Variants in DSG4 observed in about 807,000 individuals in gnomAD.
DSG4 encodes the protein desmoglein 4, also known as desmoglein-4.
A neutral mutation model predicts 93.1 loss-of-function variants in DSG4; 87 were observed. The observed-to-expected ratio is 0.93, with a 90% CI of 0.79 to 1.12. The LOEUF is 1.12. Ranked by LOEUF, DSG4 falls within the 50% of genes most tolerant of loss-of-function variation. DSG4 has a pLI of 0.00. For missense variants in DSG4, 1,373 were observed against 1,285.7 expected (o/e 1.07, Z -1.04); for synonymous variants, 432 against 452.9 (o/e 0.95, Z 0.59).
In DSG4 at chr18:31,406,189, G is replaced by A; in HGVS notation, c.1749G>A (p.Gln583=). 4 of 1,614,176 alleles carry A rather than the reference G, an allele frequency of 2.5e-6. No individual in the cohort carries two copies. The highest frequency in any genetic ancestry group is 3.4e-6 in the Non-Finnish European group (4 of 1,180,042). ...NRACELAQMV[Q]LYACDCDDNH... is the part of the protein sequence containing the mutation. Reference sequence around the variant, plus strand: ...CATGTGAATTGGCACAAATGGTGCAGTTATATGCCTGTGATTGCGATGACA... The same window carrying A: ...CATGTGAATTGGCACAAATGGTGCAATTATATGCCTGTGATTGCGATGACA... Residue 583 remains glutamine (Q), a synonymous_variant, in exon 12 of 16, where the codon CAG becomes CAA. Transcript: ENST00000308128.
rs1370792148 is a variant in DSG4 at position 31,412,740 on chromosome 18, C to T, written c.2356-88C>T. ...TTCAGTTTATTCCGTAACAACTTAA[C>T]TCAGAAGTCTCTCTGAGGGATTGCT... is the stretch of plus-strand genomic sequence containing the variant. On this transcript the variant is annotated intron_variant, in intron 15 of 15. Coordinates refer to ENST00000308128, the MANE Select transcript of DSG4 (RefSeq NM_177986.5). 5.0e-6 allele frequency: 7 copies of T among 1,403,454 alleles called. No homozygotes were observed. The East Asian group carries it at 1.6e-4, about 33-fold the overall frequency. 86.9% of individuals were successfully genotyped at this position (1,403,454 alleles called of 1,614,324 possible).
intron 5 of DSG4, 28 bp downstream of exon 5, chr18:31,389,046 G>A (rs1456981008): frequency 1.9e-6 from 3 of 1,609,844 alleles, no homozygotes; most frequent in African/African-American, 1.3e-5. Flanking sequence ...CCTTCTCTAC[G>A]TCACAGCATA....
chr18:31,412,074 C>G (rs2072500902), intron 15 of DSG4, among the ~76,000 whole-genome samples: 1 of 152,156 alleles, frequency 6.6e-6, no homozygotes, highest in Non-Finnish European at 1.5e-5. Context: ...ATATGCACCC[C>G]CATGTTTATT....
Position 31,411,157 on chromosome 18 carries a change from C to A in DSG4, c.2138-74C>A, listed in dbSNP as rs778050438. The A allele has an allele frequency of 8.7e-6, 14 of 1,613,948 alleles. No homozygotes were observed. The South Asian group carries it at 1.5e-4, about 18-fold the overall frequency. On this transcript the variant is annotated intron_variant, in intron 14 of 15. Transcript: ENST00000308128. The stretch of plus-strand genomic sequence containing the variant: ...CGGGTGGTGGTGGCACCGCAGACGG[C>A]GGCGGCAGCGTTTTAGGCAGATGCG...
rs58572396 is a variant in DSG4, at chr18:31,398,026, CAAA to C, written c.1006-1225_1006-1223del. Among the ~76,000 whole-genome samples the C allele has an allele frequency of 7.7e-3, 620 of 80,806 alleles. 3 individuals carry two copies. Among genetic ancestry groups the C allele is most frequent in the African/African-American group, 0.026 (558 of 21,284 alleles). The allele number at this position is 80,806 out of a possible 152,430, so 53.0% of individuals were successfully genotyped here. On this transcript the variant is annotated intron_variant, in intron 8 of 15. Transcript: ENST00000308128. Reference sequence around the variant, plus strand: ...TGAGCGACAGAATGAGACCCTGTCTCAAAAAAAAAAAAAAAAAAAAAAACTTGA... The same window carrying C: ...TGAGCGACAGAATGAGACCCTGTCTCAAAAAAAAAAAAAAAAAAAACTTGA...
At chr18:31,409,291 G>A (rs1250768794) in intron 12 of DSG4, among the ~76,000 whole-genome samples, 161 bp from the exon 13 acceptor site, 1 of 152,096 alleles carries the variant, frequency 6.6e-6, no homozygotes, top group African/African-American at 2.4e-5. Context: ...ACTTGGATAT[G>A]TATACTCAAT....
At chr18:31,393,700 A>C (rs2072274687) in intron 8 of DSG4, among the ~76,000 whole-genome samples, 1 of 152,180 alleles carries the variant, frequency 6.6e-6, no homozygotes, top group South Asian at 2.1e-4. Flanking sequence ...TCATCAAGTT[A>C]CTGTGAAGTT....
chr18:31,391,648 C>A (rs1227327081), intron 7 of DSG4, among the ~76,000 whole-genome samples: 1 of 151,596 alleles, frequency 6.6e-6, no homozygotes, highest in Non-Finnish European at 1.5e-5. Flanking sequence ...ATCTGGCTTG[C>A]TGTCTGTTTC....
chr18:31,409,598 G>A lies in DSG4; in HGVS notation c.2073+7G>A. The A allele has an allele frequency of 6.2e-7, 1 of 1,614,150 alleles. No homozygotes were observed. The highest frequency in any genetic ancestry group is 1.3e-5 in the African/African-American group (1 of 75,022). The stretch of plus-strand genomic sequence containing the variant: ...GGCCCATCCCGAGGACAGGGTAAGT[G>A]GACTGTCACTCTCCAGAGAAGTGTG... On this transcript the variant is annotated splice_region_variant and intron_variant, in intron 13 of 15. Coordinates refer to ENST00000308128, the MANE Select transcript of DSG4 (RefSeq NM_177986.5).
intron 14 of DSG4, 68 bp downstream of exon 14, chr18:31,409,876 T>A: frequency 6.5e-7 from 1 of 1,532,610 alleles, no homozygotes; most frequent in East Asian, 2.3e-5. Flanking sequence ...ACCAACTTCA[T>A]GTAAAAGTAC....
rs2037247616 is a variant in DSG4 at position 31,414,508 on chromosome 18, C to T, written c.*913C>T. 6.6e-6 allele frequency: 1 copy of T among 152,166 alleles called. No homozygotes were observed. Among genetic ancestry groups the T allele is most frequent in the Non-Finnish European group, 1.5e-5 (1 of 68,036 alleles). 9.4% of individuals were successfully genotyped at this position (152,166 alleles called of 1,614,324 possible). A position where few individuals can be genotyped will look rare whatever the true frequency, so the allele number is the denominator to read the frequency against. On this transcript the variant is annotated 3_prime_UTR_variant, in exon 16 of 16. Coordinates refer to ENST00000308128, the MANE Select transcript of DSG4 (RefSeq NM_177986.5). The stretch of plus-strand genomic sequence containing the variant: ...TTATTCATATATTCTACAATATTTA[C>T]TTAGAAGCAACTAGGTGTTGGGTGC...
chr18:31,381,779 C>T (rs570914012), intron 1 of DSG4, among the ~76,000 whole-genome samples: 3 of 152,150 alleles, frequency 2.0e-5, no homozygotes, highest in African/African-American at 7.2e-5. Flanking sequence ...CCTGCCTCAG[C>T]CTCACTGGTA....
At position 31,406,251 on chromosome 18, in the gene DSG4, A is replaced by G; in HGVS notation, c.1811A>G (p.Tyr604Cys). 1 of 1,614,230 alleles carries G rather than the reference A, an allele frequency of 6.2e-7. No homozygotes were observed. Among genetic ancestry groups the G allele is most frequent in the Non-Finnish European group, 8.5e-7 (1 of 1,180,038 alleles). Residue 604 changes from tyrosine (Y) to cysteine (C), a missense_variant, in exon 12 of 16, where the codon TAC becomes TGC. By Grantham distance (194) the Tyr-to-Cys change is radical (BLOSUM62 -2). Transcript: ENST00000308128. ...CTGGACTCTGGTGCCGCGGGCATCT[A>G]CACAGAGGACATAACTGGTGACACG... is the stretch of plus-strand genomic sequence containing the variant. Reference protein sequence around the residue: ...MCLDSGAAGIYTEDITGDTYG... With the variant: ...MCLDSGAAGICTEDITGDTYG...
chr18:31,387,809 T>C (rs573844447), intron 3 of DSG4, among the ~76,000 whole-genome samples: 1 of 152,254 alleles, frequency 6.6e-6, no homozygotes, highest in East Asian at 1.9e-4. Flanking sequence ...CAATAGGTAA[T>C]AAAGCTACTA....
At chr18:31,396,323 T>C (rs2072304574) in intron 8 of DSG4, among the ~76,000 whole-genome samples, 1 of 144,106 alleles carries the variant, frequency 6.9e-6, no homozygotes, top group African/African-American at 2.5e-5. Context: ...CATTTAATCC[T>C]CACAACTCTC....
At chr18:31,403,664 C>T (rs1568070022) in intron 11 of DSG4, 30 bp downstream of exon 11, 2 of 1,607,852 alleles carry the variant, frequency 1.2e-6, no homozygotes, top group East Asian at 2.2e-5. Context: ...GTTTTTTGGA[C>T]TTTAAGTCCA....
In DSG4 at chr18:31,390,756, AC is replaced by A; in HGVS notation, c.621del (p.Met208CysfsTer4). The A allele has an allele frequency of 1.2e-6, 2 of 1,613,772 alleles. No individual in the cohort carries two copies. The highest frequency in any genetic ancestry group is 1.7e-6 in the Non-Finnish European group (2 of 1,179,788). The stretch of plus-strand genomic sequence containing the variant: ...TCGTCTCTCAGGAGCCATCAGGTGC[AC>A]CCATGTTCATTCTGAATAGGTACAC... ...KIVSQEPSGA[P>X]MFILNRYTGE... is the part of the protein sequence containing the mutation. On this transcript the variant is annotated frameshift_variant, in exon 6 of 16. Transcript: ENST00000308128. LOFTEE classifies it high-confidence loss of function.
At chr18:31,393,885 G>A (rs1233237756) in intron 8 of DSG4, among the ~76,000 whole-genome samples, 1 of 151,982 alleles carries the variant, frequency 6.6e-6, no homozygotes, top group Non-Finnish European at 1.5e-5. Flanking sequence ...TTAAGAGCTG[G>A]CCACCAAAAT....
chr18:31,379,611 A>G (rs2072113323), intron 1 of DSG4, among the ~76,000 whole-genome samples: 3 of 152,230 alleles, frequency 2.0e-5, no homozygotes, highest in Admixed American at 2.0e-4. Flanking sequence ...TACATATAAG[A>G]TGTAAGCACT....
Sources: gnomAD v4.1 joint callset for allele counts (sites outside exome capture counted in the v4.1 genomes callset) on GRCh38, gnomAD v4.1.1 for gene constraint, MANE v1.5 for transcripts, NCBI Gene and HGNC (gene_info 2026-07-23, HGNC 2026-07-21) for gene names.